Variants in DISP1 observed in about 807,000 individuals in gnomAD.
DISP1 encodes the protein dispatched RND transporter family member 1.
A neutral mutation model predicts 37.3 loss-of-function variants in DISP1; 30 were observed. The observed-to-expected ratio is 0.80, with a 90% CI of 0.60 to 1.09. DISP1 has a LOEUF of 1.09. DISP1 is among the 50% of genes least tolerant of loss of function. The pLI is 0.00. For missense variants in DISP1, 1,598 were observed against 1,879.5 expected (o/e 0.85, Z 2.77); for synonymous variants, 634 against 690.2 (o/e 0.92, Z 1.28).
At chr1:222,914,720 A>G (rs1157819948) in intron 1 of DISP1, among the ~76,000 whole-genome samples, 4 of 152,196 alleles carry the variant, frequency 2.6e-5, no homozygotes, top group Non-Finnish European at 5.9e-5. Context: ...GCAATCTGAG[A>G]GGCCAAGGCA....
chr1:222,929,526 G>A (rs1673268976), intron 2 of DISP1, among the ~76,000 whole-genome samples: 1 of 151,976 alleles, frequency 6.6e-6, no homozygotes, highest in Non-Finnish European at 1.5e-5. Context: ...CTTGTTGAAC[G>A]AAGAAGAAGG....
chr1:222,842,692 T>C (rs1467034627), intron 1 of DISP1, among the ~76,000 whole-genome samples: 1 of 152,106 alleles, frequency 6.6e-6, no homozygotes, highest in Non-Finnish European at 1.5e-5. Flanking sequence ...ACACAGGCTT[T>C]GGAGAGTCAC....
intron 1 of DISP1, among the ~76,000 whole-genome samples, chr1:222,859,278 C>A (rs1668741162): frequency 6.6e-6 from 1 of 152,076 alleles, no homozygotes; most frequent in African/African-American, 2.4e-5. Flanking sequence ...GGGAGCTGAA[C>A]AATGAGAACA....
chr1:222,927,066 A>C (rs988781393), intron 1 of DISP1, among the ~76,000 whole-genome samples: 4 of 152,016 alleles, frequency 2.6e-5, no homozygotes, highest in Non-Finnish European at 5.9e-5. Context: ...TTGCTGGGTC[A>C]TATGGTAGTT....
intron 8 of DISP1, among the ~76,000 whole-genome samples, chr1:223,001,695 C>T (rs1268522309): frequency 6.6e-6 from 1 of 152,172 alleles, no homozygotes; most frequent in Non-Finnish European, 1.5e-5. Context: ...TCTACGTGTC[C>T]TCATGACCTC....
intron 1 of DISP1, among the ~76,000 whole-genome samples, chr1:222,821,131 A>G (rs545418201): frequency 3.3e-5 from 5 of 152,252 alleles, no homozygotes; most frequent in Admixed American, 1.3e-4. Flanking sequence ...TGAATGAACA[A>G]TGCACCTTTT....
chr1:222,850,408 C>T (rs1015854450), intron 1 of DISP1, among the ~76,000 whole-genome samples: 9 of 149,944 alleles, frequency 6.0e-5, no homozygotes, highest in Admixed American at 4.7e-4. Context: ...ATTTTCCATC[C>T]TCCAACTGCT....
At chr1:222,861,650 T>C (rs1160738569) in intron 1 of DISP1, among the ~76,000 whole-genome samples, 6 of 152,158 alleles carry the variant, frequency 3.9e-5, no homozygotes, top group Non-Finnish European at 8.8e-5. Context: ...CTCACAAACG[T>C]TTTCACCTTT....
chr1:222,967,297 G>A (rs1676574818), intron 3 of DISP1, among the ~76,000 whole-genome samples: 2 of 152,122 alleles, frequency 1.3e-5, no homozygotes, highest in African/African-American at 4.8e-5. Flanking sequence ...TTTCCCAGTT[G>A]CATCTCTGTT....
At chr1:222,899,339 A>G (rs185832170) in intron 1 of DISP1, among the ~76,000 whole-genome samples, 1 of 152,364 alleles carries the variant, frequency 6.6e-6, no homozygotes, top group Admixed American at 6.5e-5. Context: ...TGCCTGAGAA[A>G]GAATTAGAAC....
rs1663244885 is a variant in DISP1, at chr1:222,822,719, T to G, written c.-159+7641T>G. 2.0e-5 allele frequency among the ~76,000 whole-genome samples: 3 copies of G among 152,246 alleles called. 1 individual carries two copies. The South Asian group carries it at 6.2e-4, about 31-fold the overall frequency. ...GGTAATCTACAGCAGCATTTGATTT[T>G]CAGTGAGACATGCTGGCAAATTATT... On this transcript the variant is annotated intron_variant, in intron 1 of 8. Transcript: ENST00000675850.
At position 222,984,417 on chromosome 1, in the gene DISP1, A is replaced by ATAT. The variant is rs201043580; in HGVS notation, c.539+1308_539+1309insTAT. Among the ~76,000 whole-genome samples the ATAT allele has an allele frequency of 8.4e-3, 643 of 76,336 alleles. 15 individuals carry two copies. The highest frequency in any genetic ancestry group is 0.023 in the East Asian group (48 of 2,056). The allele number at this position is 76,336 out of a possible 152,430, so 50.1% of individuals were successfully genotyped here. ...AGACTCTGTCTCAAAAAAAAAAAAAAAAAAATATATATATATATAGAGAGA... is the reference window on the plus strand; with the variant it reads ...AGACTCTGTCTCAAAAAAAAAAAAAATATAAAAATATATATATATATAGAGAGA... On this transcript the variant is annotated intron_variant, in intron 4 of 8. Coordinates refer to ENST00000675850, the MANE Select transcript of DISP1 (RefSeq NM_001377229.1).
intron 2 of DISP1, among the ~76,000 whole-genome samples, chr1:222,936,748 A>ATAAAT (rs1491226327): frequency 5.2e-5 from 4 of 76,794 alleles, no homozygotes; most frequent in African/African-American, 2.1e-4. Context: ...ATTATATATC[A>ATAAAT]TATATATGAT....
chr1:222,868,139 T>C (rs1669303632), intron 1 of DISP1, among the ~76,000 whole-genome samples: 1 of 152,072 alleles, frequency 6.6e-6, no homozygotes, highest in Non-Finnish European at 1.5e-5. Flanking sequence ...TCGCAGCTAC[T>C]TGGGAGGCTG....
chr1:222,918,499 A>G (rs1672618208), intron 1 of DISP1, among the ~76,000 whole-genome samples: 1 of 152,210 alleles, frequency 6.6e-6, no homozygotes, highest in African/African-American at 2.4e-5. Context: ...ACTGTTGCTT[A>G]TTCCCTGTAA....
At chr1:222,913,387 G>A (rs1018262466) in intron 1 of DISP1, among the ~76,000 whole-genome samples, 1 of 152,124 alleles carries the variant, frequency 6.6e-6, no homozygotes. Flanking sequence ...AGACTCAAAT[G>A]ATCTAGAATA....
intron 3 of DISP1, among the ~76,000 whole-genome samples, chr1:222,969,370 CAAA>C (rs71178518): frequency 1.3e-4 from 4 of 29,866 alleles, no homozygotes; most frequent in South Asian, 1.9e-3. Context: ...AACTTGGTCT[CAAA>C]AAAAAAAAAA....
At chr1:222,834,956 G>A (rs1027384293) in intron 1 of DISP1, among the ~76,000 whole-genome samples, 2 of 152,104 alleles carry the variant, frequency 1.3e-5, no homozygotes, top group African/African-American at 4.8e-5. Context: ...TTCAGTTAAT[G>A]GTGGGTATTA....
chr1:222,912,252 T>C (rs903622214), intron 1 of DISP1, among the ~76,000 whole-genome samples: 2 of 152,222 alleles, frequency 1.3e-5, no homozygotes, highest in African/African-American at 4.8e-5. Context: ...TATCTTCATA[T>C]CTCTGCAATT....
Sources: allele counts gnomAD v4.1 joint callset (sites outside exome capture counted in the v4.1 genomes callset), GRCh38; gene constraint gnomAD v4.1.1; transcripts MANE v1.5; gene names NCBI Gene and HGNC (gene_info 2026-07-23, HGNC 2026-07-21).